Variants in CDKL1 observed in about 807,000 individuals in gnomAD.
CDKL1 encodes the protein cyclin-dependent kinase-like 1.
Under a neutral mutation model 42.0 loss-of-function variants are expected in CDKL1, and 41 were observed. That is an observed-to-expected ratio of 0.98 (90% confidence interval 0.76 to 1.27). The LOEUF (loss-of-function observed/expected upper bound fraction) is 1.27. Among genes scored for constraint, CDKL1 ranks in the 50% most tolerant of loss-of-function variants. The pLI, the probability that CDKL1 is intolerant of heterozygous loss-of-function variation, is 0.00. For synonymous variants in CDKL1, 153 were observed against 158.6 expected, an observed-to-expected ratio of 0.96 and a Z score of 0.26; for missense variants, 394 against 428.4, an observed-to-expected ratio of 0.92 and a Z score of 0.71.
At chr14:50,379,301 G>A (rs934909499) in intron 2 of CDKL1, among the ~76,000 whole-genome samples, 4 of 152,140 alleles carry the variant, frequency 2.6e-5, no homozygotes, top group African/African-American at 9.7e-5. Context: ...TGTGTGATGT[G>A]GGACTGCAGG....
At chr14:50,351,118 T>C (rs1489279627) in intron 3 of CDKL1, among the ~76,000 whole-genome samples, 7 of 151,180 alleles carry the variant, frequency 4.6e-5, no homozygotes, top group African/African-American at 1.7e-4. Context: ...ATCCCTGGAG[T>C]CTAGATTTCT....
At chr14:50,370,477 C>A (rs1036532681) in intron 2 of CDKL1, among the ~76,000 whole-genome samples, 14 of 152,144 alleles carry the variant, frequency 9.2e-5, no homozygotes, top group African/African-American at 2.7e-4. Flanking sequence ...GATTTTGTAC[C>A]CTTCAACCAT....
intron 2 of CDKL1, among the ~76,000 whole-genome samples, chr14:50,393,922 T>A (rs2035329346): frequency 6.6e-6 from 1 of 152,240 alleles, no homozygotes; most frequent in African/African-American, 2.4e-5. Flanking sequence ...TTTATTTTGT[T>A]AACTTTTTTT....
chr14:50,375,374 T>C (rs758047098), intron 2 of CDKL1, among the ~76,000 whole-genome samples: 5 of 152,264 alleles, frequency 3.3e-5, no homozygotes, highest in African/African-American at 4.8e-5. Flanking sequence ...TTCCAAATAA[T>C]TTATGTTGAT....
In CDKL1 at chr14:50,326,392, A is replaced by G. The variant is rs1040540375; in HGVS notation, c.*3682T>C. 5.3e-5 allele frequency: 50 copies of G among 939,492 alleles called. No homozygotes were observed. Among genetic ancestry groups the G allele is most frequent in the Admixed American group, 2.5e-4 (4 of 16,184 alleles). 58.2% of individuals were successfully genotyped at this position (939,492 alleles called of 1,614,324 possible). On this transcript the variant is annotated 3_prime_UTR_variant, in exon 10 of 10. Transcript: ENST00000395834. ...ATAACAGTAATTTACATTTAACTTT[A>G]AAGTTAGTGAAGCATACTACCATAA...
Position 50,396,326 on chromosome 14 carries a change from G to T in CDKL1, c.-458C>A, listed in dbSNP as rs1032726634. ...CCACCCAACGATGAGTGTTTGTCAC[G>T]GTCCTAGAACAGAACAGCACATGTT... On this transcript the variant is annotated 5_prime_UTR_variant, in exon 2 of 10. Transcript: ENST00000395834. 2 of 1,008,500 alleles carry T rather than the reference G, an allele frequency of 2.0e-6. No homozygotes were observed. Among genetic ancestry groups the T allele is most frequent in the Non-Finnish European group, 2.4e-6 (2 of 845,246 alleles). 62.5% of individuals were successfully genotyped at this position (1,008,500 alleles called of 1,614,324 possible). A position where few individuals can be genotyped will look rare whatever the true frequency, so the allele number is the denominator to read the frequency against.
At chr14:50,364,906 T>C (rs1037391962) in intron 2 of CDKL1, among the ~76,000 whole-genome samples, 1 of 152,228 alleles carries the variant, frequency 6.6e-6, no homozygotes, top group Non-Finnish European at 1.5e-5. Context: ...AAGCAAGTAC[T>C]GCCCCTACCG....
chr14:50,359,291 C>T, intron 2 of CDKL1, 142 bp from the exon 3 acceptor site: 1 of 890,118 alleles, frequency 1.1e-6, no homozygotes, highest in Non-Finnish European at 1.6e-6. Context: ...TATCATCTTA[C>T]CCCTCTTAAC....
At chr14:50,349,156 T>G (rs761507064) in intron 3 of CDKL1, among the ~76,000 whole-genome samples, 44 of 152,062 alleles carry the variant, frequency 2.9e-4, no homozygotes, top group Non-Finnish European at 1.6e-4. Flanking sequence ...AAACAGGACT[T>G]CACAAGAGAG....
At position 50,359,062 on chromosome 14, in the gene CDKL1, T is replaced by G; in HGVS notation, c.256A>C (p.Thr86Pro). Residue 86 changes from threonine to proline, a missense_variant, in exon 3 of 10, where the codon ACA becomes CCA. By Grantham distance (38) the Thr-to-Pro change is conservative (BLOSUM62 -1). Transcript: ENST00000395834. ...LHLVFEYCDH[T>P]VLHELDRYQR... ...TATCTGTCCAACTCATGGAGAACTG[T>G]GTGGTCACAATATTCAAACACCAGG... is the stretch of plus-strand genomic sequence containing the variant. The G allele has an allele frequency of 6.2e-7, 1 of 1,613,134 alleles. No individual in the cohort carries two copies. Among genetic ancestry groups the G allele is most frequent in the Non-Finnish European group, 8.5e-7 (1 of 1,179,116 alleles).
chr14:50,395,985 G>T lies in CDKL1; in HGVS notation c.-117C>A. The stretch of plus-strand genomic sequence containing the variant: ...AGATCACCTGAGGTCAGGAGTTCGA[G>T]ACCAGTCTGGCCAACATACTGAAAC... On this transcript the variant is annotated 5_prime_UTR_variant, in exon 2 of 10. Transcript: ENST00000395834. 9.2e-7 allele frequency: 1 copy of T among 1,085,572 alleles called. No individual in the cohort carries two copies. Among genetic ancestry groups the T allele is most frequent in the Non-Finnish European group, 1.3e-6 (1 of 746,910 alleles). The allele number at this position is 1,085,572 out of a possible 1,614,324, so 67.2% of individuals were successfully genotyped here.
chr14:50,354,386 CA>C (rs1445640487), intron 3 of CDKL1, among the ~76,000 whole-genome samples: 1 of 152,152 alleles, frequency 6.6e-6, no homozygotes, highest in Non-Finnish European at 1.5e-5. Flanking sequence ...GTACATTACC[CA>C]GGAGATGTTC....
At chr14:50,355,391 C>T (rs1013978933) in intron 3 of CDKL1, among the ~76,000 whole-genome samples, 4 of 152,156 alleles carry the variant, frequency 2.6e-5, no homozygotes, top group African/African-American at 9.7e-5. Context: ...CACTGATTGC[C>T]AAATTGCCTT....
At chr14:50,362,330 A>C (rs1477415348) in intron 2 of CDKL1, 2 of 334,994 alleles carry the variant, frequency 6.0e-6, no homozygotes, top group African/African-American at 4.5e-5. Flanking sequence ...CTGGTGTGGG[A>C]TCCACTGGGT....
intron 2 of CDKL1, among the ~76,000 whole-genome samples, chr14:50,394,026 A>T (rs539302330): frequency 3.1e-4 from 47 of 152,340 alleles, no homozygotes; most frequent in African/African-American, 1.1e-3. Context: ...TCCATCCCAG[A>T]AGAACTCAAT....
At chr14:50,391,999 G>A (rs1015915494) in intron 2 of CDKL1, among the ~76,000 whole-genome samples, 2 of 152,114 alleles carry the variant, frequency 1.3e-5, no homozygotes, top group African/African-American at 2.4e-5. Context: ...ATCCCTTGCT[G>A]ATGAAGGTTT....
At chr14:50,390,328 C>G in intron 2 of CDKL1, 1 of 1,366,538 alleles carries the variant, frequency 7.3e-7, no homozygotes, top group Non-Finnish European at 9.8e-7. Flanking sequence ...ACTGTCCTGT[C>G]CTTGACCTCC....
intron 7 of CDKL1, among the ~76,000 whole-genome samples, chr14:50,337,457 T>C (rs1254902973): frequency 6.6e-6 from 1 of 152,016 alleles, no homozygotes; most frequent in Admixed American, 6.6e-5. Flanking sequence ...GCTCAAGTGA[T>C]TCTCCTGCCT....
intron 2 of CDKL1, among the ~76,000 whole-genome samples, chr14:50,381,278 C>T (rs751447440): frequency 1.3e-5 from 2 of 152,188 alleles, no homozygotes; most frequent in African/African-American, 2.4e-5. Flanking sequence ...GAATGTAGGA[C>T]ATCAAGTGAC....
Sources: allele counts gnomAD v4.1 joint callset (sites outside exome capture counted in the v4.1 genomes callset), GRCh38; gene constraint gnomAD v4.1.1; transcripts MANE v1.5; gene names NCBI Gene and HGNC (gene_info 2026-07-23, HGNC 2026-07-21).